Variants in ST3GAL3 observed in about 807,000 individuals in gnomAD.
The protein encoded by ST3GAL3 is ST3 beta-galactoside alpha-2,3-sialyltransferase 3.
Under a neutral mutation model 50.1 loss-of-function variants are expected in ST3GAL3, and 21 were observed. The observed-to-expected ratio is 0.42, with a 90% CI of 0.30 to 0.60. The LOEUF (loss-of-function observed/expected upper bound fraction) is 0.60, where lower values mean the gene tolerates loss of function less well. Ranked by LOEUF, ST3GAL3 falls within the 20% of genes least tolerant of loss-of-function variation. ST3GAL3 has a pLI of 0.19. For missense variants in ST3GAL3, 353 were observed against 489.4 expected, an observed-to-expected ratio of 0.72 and a Z score of 2.63; for synonymous variants, 183 against 190.0, an observed-to-expected ratio of 0.96 and a Z score of 0.30.
At chr1:43,777,034 GTC>G (rs1382686333) in intron 2 of ST3GAL3, among the ~76,000 whole-genome samples, 1 of 152,108 alleles carries the variant, frequency 6.6e-6, no homozygotes, top group Non-Finnish European at 1.5e-5. Context: ...TGACTTCAGA[GTC>G]TCATCATGTC....
At position 43,707,600 on chromosome 1, in the gene ST3GAL3, C is replaced by T. The variant is rs1282069937; in HGVS notation, c.-124C>T. 2.0e-5 allele frequency: 3 copies of T among 152,058 alleles called. No individual in the cohort carries two copies. The highest frequency in any genetic ancestry group is 4.4e-5 in the Non-Finnish European group (3 of 68,198). 9.4% of individuals were successfully genotyped at this position (152,058 alleles called of 1,614,324 possible). A position where few individuals can be genotyped will look rare whatever the true frequency, so the allele number is the denominator to read the frequency against. Reference sequence around the variant, plus strand: ...CGTTGTGGGCTCCCGCCGGGGTCCCCCGCGGCTGTCGCCGCCGCCTACGCC... The same window carrying T: ...CGTTGTGGGCTCCCGCCGGGGTCCCTCGCGGCTGTCGCCGCCGCCTACGCC... On this transcript the variant is annotated 5_prime_UTR_variant, in exon 1 of 12. Coordinates refer to ENST00000347631, the MANE Select transcript of ST3GAL3 (RefSeq NM_006279.5).
intron 3 of ST3GAL3, among the ~76,000 whole-genome samples, chr1:43,805,321 G>A (rs1433502882): frequency 6.6e-6 from 1 of 152,146 alleles, no homozygotes; most frequent in Non-Finnish European, 1.5e-5. Flanking sequence ...CTTTTGTCAG[G>A]TGCCTACACT....
intron 9 of ST3GAL3, among the ~76,000 whole-genome samples, chr1:43,900,471 A>G (rs771228317): frequency 2.0e-5 from 3 of 151,974 alleles, no homozygotes; most frequent in Non-Finnish European, 2.9e-5. Context: ...CGAGACCTCT[A>G]CTTCCCAGCT....
chr1:43,929,104 A>G (rs1488365698), intron 11 of ST3GAL3, among the ~76,000 whole-genome samples: 1 of 152,118 alleles, frequency 6.6e-6, no homozygotes, highest in Admixed American at 6.5e-5. Flanking sequence ...TCCCAGGTAC[A>G]GTCTTCCCCA....
intron 4 of ST3GAL3, among the ~76,000 whole-genome samples, chr1:43,822,537 A>G (rs766687058): frequency 1.3e-5 from 2 of 152,168 alleles, no homozygotes; most frequent in Non-Finnish European, 2.9e-5. Context: ...CCTTGTGAAA[A>G]ACCAGGTCAT....
intron 3 of ST3GAL3, among the ~76,000 whole-genome samples, chr1:43,803,466 A>C (rs551448667): frequency 6.6e-5 from 10 of 152,100 alleles, no homozygotes; most frequent in Non-Finnish European, 1.2e-4. Flanking sequence ...GTTCTGTTCA[A>C]ATCTTCTGAA....
At chr1:43,849,799 A>T (rs1285216910) in intron 5 of ST3GAL3, among the ~76,000 whole-genome samples, 1 of 152,144 alleles carries the variant, frequency 6.6e-6, no homozygotes, top group East Asian at 1.9e-4. Context: ...TACACTTCTG[A>T]TTTACAGCAC....
At chr1:43,748,285 A>G (rs1684654443) in intron 2 of ST3GAL3, among the ~76,000 whole-genome samples, 2 of 152,170 alleles carry the variant, frequency 1.3e-5, no homozygotes, top group African/African-American at 4.8e-5. Flanking sequence ...AAACATATGC[A>G]AGACCTCTAC....
chr1:43,874,961 C>T (rs1422226232), intron 5 of ST3GAL3, among the ~76,000 whole-genome samples: 1 of 152,138 alleles, frequency 6.6e-6, no homozygotes, highest in Non-Finnish European at 1.5e-5. Context: ...TTGAGTGAGA[C>T]CAGCCAGCAA....
chr1:43,881,422 T>C (rs12121968), intron 5 of ST3GAL3, among the ~76,000 whole-genome samples: 7,560 of 152,364 alleles, frequency 0.05, 283 homozygotes, highest in Non-Finnish European at 0.081. Flanking sequence ...ACCGTGCCTT[T>C]GGGCTTTGGG....
chr1:43,878,209 TCTCTCTCCAC>T (rs2074451068), intron 5 of ST3GAL3, among the ~76,000 whole-genome samples: 1 of 152,164 alleles, frequency 6.6e-6, no homozygotes. Context: ...TGTGGTCAAA[TCTCTCTCCAC>T]CTCTCTCCTC....
rs1033116790 is a variant in ST3GAL3 at position 43,926,281 on chromosome 1, C to T, written c.1039-3851C>T. 3.3e-5 allele frequency among the ~76,000 whole-genome samples: 5 copies of T among 152,070 alleles called. No individual in the cohort carries two copies. In the South Asian group the frequency reaches 8.3e-4, roughly 25 times the overall value. ...TGAACGTGGATACTTAACGGTTGGG[C>T]GAGGAGCCAAAGAAAAAGAGCTTCT... On this transcript the variant is annotated intron_variant, in intron 11 of 11. Transcript: ENST00000347631.
intron 2 of ST3GAL3, among the ~76,000 whole-genome samples, chr1:43,742,324 C>T (rs1157386595): frequency 6.6e-6 from 1 of 152,140 alleles, no homozygotes; most frequent in African/African-American, 2.4e-5. Flanking sequence ...CTAACAAGGC[C>T]TAAAGCCAAC....
chr1:43,723,581 C>A (rs1671530692), intron 1 of ST3GAL3, among the ~76,000 whole-genome samples: 1 of 151,970 alleles, frequency 6.6e-6, no homozygotes, highest in Admixed American at 6.6e-5. Flanking sequence ...TCAGGTATTT[C>A]TTTTTTCTTT....
At chr1:43,881,758 T>TG (rs1030588730) in intron 5 of ST3GAL3, among the ~76,000 whole-genome samples, 7 of 136,328 alleles carry the variant, frequency 5.1e-5, no homozygotes, top group Non-Finnish European at 1.6e-5. Context: ...GCAGGCGGGG[T>TG]GGGGGCAGTA....
At chr1:43,736,919 C>T (rs1678734033) in intron 2 of ST3GAL3, 2 of 220,730 alleles carry the variant, frequency 9.1e-6, no homozygotes, top group African/African-American at 4.7e-5. Context: ...TACCCAGTAA[C>T]TCCTAATTTT....
chr1:43,918,650 C>G (rs545030994), intron 9 of ST3GAL3, among the ~76,000 whole-genome samples: 15 of 152,012 alleles, frequency 9.9e-5, no homozygotes, highest in African/African-American at 3.4e-4. Context: ...TACTGTAATA[C>G]CTAATTTTTA....
intron 4 of ST3GAL3, among the ~76,000 whole-genome samples, chr1:43,817,030 C>G (rs551752438): frequency 6.6e-6 from 1 of 152,288 alleles, no homozygotes; most frequent in African/African-American, 2.4e-5. Flanking sequence ...CTCCCCTTAC[C>G]AAGTCCCTCT....
chr1:43,896,513 A>T (rs1248596588), intron 6 of ST3GAL3, among the ~76,000 whole-genome samples: 1 of 152,112 alleles, frequency 6.6e-6, no homozygotes, highest in African/African-American at 2.4e-5. Flanking sequence ...ACTATTCTGC[A>T]TTATCCTGGC....
Sources: gnomAD v4.1 joint callset for allele counts (sites outside exome capture counted in the v4.1 genomes callset) on GRCh38, gnomAD v4.1.1 for gene constraint, MANE v1.5 for transcripts, NCBI Gene and HGNC (gene_info 2026-07-23, HGNC 2026-07-21) for gene names.